Variants in CCPG1 observed in about 807,000 individuals in gnomAD.
CCPG1 encodes cell cycle progression protein 1.
In CCPG1, 46 loss-of-function variants were observed where a neutral mutation model predicts 81.3. That is an observed-to-expected ratio of 0.57 (90% confidence interval 0.45 to 0.72). The LOEUF is 0.72. Ranked by LOEUF, CCPG1 falls within the 30% of genes least tolerant of loss-of-function variation. CCPG1 has a pLI of 0.00. For synonymous variants in CCPG1, 330 were observed against 305.2 expected, an observed-to-expected ratio of 1.08 and a Z score of -0.85; for missense variants, 902 against 937.6, an observed-to-expected ratio of 0.96 and a Z score of 0.50.
chr15:55,398,643 G>A (rs956466163), intron 1 of CCPG1, among the ~76,000 whole-genome samples: 1 of 151,656 alleles, frequency 6.6e-6, no homozygotes, highest in Non-Finnish European at 1.5e-5. Context: ...GAGCAGTGGC[G>A]CGATCTCGGC....
At chr15:55,378,752 C>T (rs1346921311) in intron 3 of CCPG1, among the ~76,000 whole-genome samples, 10 of 151,924 alleles carry the variant, frequency 6.6e-5, no homozygotes, top group South Asian at 4.1e-4. Flanking sequence ...TACAGACATA[C>T]GCCACGGCTA....
At chr15:55,400,519 A>T (rs1301003858) in intron 1 of CCPG1, among the ~76,000 whole-genome samples, 1 of 152,118 alleles carries the variant, frequency 6.6e-6, no homozygotes, top group Non-Finnish European at 1.5e-5. Context: ...AAAATAAATT[A>T]AAAAGGCCAG....
In CCPG1 at chr15:55,359,861, G is replaced by T; in HGVS notation, c.1912C>A (p.Gln638Lys). The T allele has an allele frequency of 6.2e-7, 1 of 1,613,680 alleles. No homozygotes were observed. Among genetic ancestry groups the T allele is most frequent in the Non-Finnish European group, 8.5e-7 (1 of 1,179,916 alleles). ...GTGTTAAAAAGGCTCATGGACTCTTGTTGAGCACAATCAAATACACCAGAA... is the reference window on the plus strand; with the variant it reads ...GTGTTAAAAAGGCTCATGGACTCTTTTTGAGCACAATCAAATACACCAGAA... The part of the protein sequence containing the change: ...ACSGVFDCAQ[Q>K]ESMSLFNTVV... The change falls in exon 8 of 9, where the codon CAA becomes AAA. Residue 638 changes from glutamine (Q) to lysine (K), a missense_variant. By Grantham distance (53) the Gln-to-Lys change is moderately conservative (BLOSUM62 1). Transcript: ENST00000442196.
Position 55,389,426 on chromosome 15 carries a change from T to G in CCPG1, c.-2A>C. Reference sequence around the variant, plus strand: ...ACTGTCACTGGAATTTTCAGACATCTTTCAGGTCTACAAATACAAAAACAT... The same window carrying G: ...ACTGTCACTGGAATTTTCAGACATCGTTCAGGTCTACAAATACAAAAACAT... On this transcript the variant is annotated 5_prime_UTR_variant, in exon 2 of 9. Coordinates refer to ENST00000442196, the MANE Select transcript of CCPG1 (RefSeq NM_001204450.2). 6.2e-7 allele frequency: 1 copy of G among 1,608,856 alleles called. No homozygotes were observed. The highest frequency in any genetic ancestry group is 8.5e-7 in the Non-Finnish European group (1 of 1,175,384).
chr15:55,391,226 G>A (rs1307220626), intron 1 of CCPG1, among the ~76,000 whole-genome samples: 1 of 152,100 alleles, frequency 6.6e-6, no homozygotes, highest in East Asian at 1.9e-4. Context: ...AAGCTCAATC[G>A]ATCCTCCTGC....
At position 55,356,227 on chromosome 15, in the gene CCPG1, T is replaced by A. The variant is rs890524278; in HGVS notation, c.2417A>T (p.Gln806Leu). The A allele has an allele frequency of 3.8e-5, 58 of 1,533,600 alleles. No individual in the cohort carries two copies. Among genetic ancestry groups the A allele is most frequent in the Non-Finnish European group, 4.9e-5 (56 of 1,146,084 alleles). 95.0% of individuals were successfully genotyped at this position (1,533,600 alleles called of 1,614,324 possible). A position where few individuals can be genotyped will look rare whatever the true frequency, so the allele number is the denominator to read the frequency against. ...IELGQLPFDP[Q>L]Y Reference sequence around the variant, plus strand: ...ATTTAACTCAATTGTGAATCAGTATTGAGGATCAAAAGGTAATTGCCCCAA... The same window carrying A: ...ATTTAACTCAATTGTGAATCAGTATAGAGGATCAAAAGGTAATTGCCCCAA... The change falls in exon 9 of 9, where the codon CAA (glutamine) becomes CTA (leucine). Residue 806 changes from glutamine to leucine, a missense_variant. This residue lies in a region of CCPG1 where 128 missense variants were observed against 161.2 expected (regional missense o/e 0.79). Coordinates refer to ENST00000442196, the MANE Select transcript of CCPG1 (RefSeq NM_001204450.2).
In CCPG1 at chr15:55,365,297, A is replaced by G. The variant is rs375278848; in HGVS notation, c.719T>C (p.Ile240Thr). Reference protein sequence around the residue: ...GFGHFYGTIQIQKRQQLVRKI... With the variant: ...GFGHFYGTIQTQKRQQLVRKI... The stretch of plus-strand genomic sequence containing the variant: ...TCTGACTAACTGTTGACGCTTCTGA[A>G]TCTGAATTGTGCCTAAAATAAATAT... The change falls in exon 7 of 9, where the codon ATT becomes ACT. Residue 240 changes from isoleucine to threonine, a missense_variant. Ile to Thr is a moderately conservative substitution (Grantham distance 89). This residue lies in a region of CCPG1 where 746 missense variants were observed against 728.6 expected (regional missense o/e 1.02). Coordinates refer to ENST00000442196, the MANE Select transcript of CCPG1 (RefSeq NM_001204450.2). The G allele has an allele frequency of 4.6e-6, 7 of 1,527,834 alleles. No individual in the cohort carries two copies. The highest frequency in any genetic ancestry group is 4.1e-5 in the African/African-American group (3 of 72,298). The allele number at this position is 1,527,834 out of a possible 1,614,324, so 94.6% of individuals were successfully genotyped here. A position where few individuals can be genotyped will look rare whatever the true frequency, so the allele number is the denominator to read the frequency against.
In CCPG1 at chr15:55,360,819, T is replaced by A; in HGVS notation, c.954A>T (p.Glu318Asp). The A allele has an allele frequency of 6.2e-7, 1 of 1,612,400 alleles. No homozygotes were observed. ...QYLRVSLEKE[E>D]KALSSLQEEL... ...CTTCCTGTAATGAGGATAAGGCTTTTTCTTCCTTCTCCAAGGATACTCTTA... is the reference window on the plus strand; with the variant it reads ...CTTCCTGTAATGAGGATAAGGCTTTATCTTCCTTCTCCAAGGATACTCTTA... Residue 318 changes from glutamate (E) to aspartate (D), a missense_variant, in exon 8 of 9, where the codon GAA becomes GAT. This residue lies in a region of CCPG1 where 746 missense variants were observed against 728.6 expected (regional missense o/e 1.02). Coordinates refer to ENST00000442196, the MANE Select transcript of CCPG1 (RefSeq NM_001204450.2).
chr15:55,377,386 G>A (rs566195012), intron 4 of CCPG1, among the ~76,000 whole-genome samples: 7 of 152,282 alleles, frequency 4.6e-5, no homozygotes, highest in African/African-American at 1.7e-4. Flanking sequence ...CTAGTGGGCT[G>A]CAGAAGCTGA....
chr15:55,371,889 T>C lies in CCPG1; in HGVS notation c.610A>G (p.Lys204Glu), dbSNP rs761119443. 7.4e-6 allele frequency: 12 copies of C among 1,614,054 alleles called. No individual in the cohort carries two copies. The highest frequency in any genetic ancestry group is 1.1e-5 in the South Asian group (1 of 91,090). The change falls in exon 6 of 9, where the codon AAG (lysine) becomes GAG (glutamate). Residue 204 changes from lysine (K) to glutamate (E), a missense_variant. Around this residue, in one of 3 missense-constraint regions of CCPG1, gnomAD observed 746 missense variants for 728.6 expected, o/e 1.02. Transcript: ENST00000442196. The stretch of plus-strand genomic sequence containing the variant: ...CTGAACTGACGTTTACTCAACTCCT[T>C]AGAAGGTTCAGTTTCTTGTTCAGCA... ...LVAEQETEPS[K>E]ELSKRQFSSG...
chr15:55,377,199 G>T (rs773687793), intron 4 of CCPG1, 49 bp from the exon 5 acceptor site: 3 of 1,325,048 alleles, frequency 2.3e-6, no homozygotes, highest in Admixed American at 1.8e-5. Context: ...TCATTTAAGG[G>T]TCTTACATTT....
At chr15:55,388,489 T>G (rs2056848631) in intron 2 of CCPG1, among the ~76,000 whole-genome samples, 1 of 152,248 alleles carries the variant, frequency 6.6e-6, no homozygotes, top group Non-Finnish European at 1.5e-5. Context: ...TCTGTTCAAA[T>G]CCAGGATCTA....
intron 1 of CCPG1, among the ~76,000 whole-genome samples, chr15:55,400,139 A>C (rs2055081455): frequency 7.3e-6 from 1 of 136,732 alleles, no homozygotes; most frequent in Non-Finnish European, 1.5e-5. Flanking sequence ...GAACCCAGGA[A>C]GTGGAGGTTG....
At chr15:55,366,324 A>G (rs511132) in intron 6 of CCPG1, among the ~76,000 whole-genome samples, 8 of 151,486 alleles carry the variant, frequency 5.3e-5, no homozygotes, top group Admixed American at 5.2e-4. Flanking sequence ...TTTTTTTTTA[A>G]TATTTTGCCT....
intron 5 of CCPG1, chr15:55,374,379 C>A: frequency 4.4e-6 from 2 of 456,592 alleles, no homozygotes; most frequent in Non-Finnish European, 7.3e-6. Flanking sequence ...ACGTAATAAC[C>A]ATGCCTTCTT....
chr15:55,360,448 T>A lies in CCPG1; in HGVS notation c.1325A>T (p.Gln442Leu). Residue 442 changes from glutamine to leucine, a missense_variant, in exon 8 of 9, where the codon CAG (glutamine) becomes CTG (leucine). Transcript: ENST00000442196. ...TELERKLTFEQQRSDLWERLY... is the reference protein window; with the variant it reads ...TELERKLTFELQRSDLWERLY... Reference sequence around the variant, plus strand: ...TCTTTCCCACAAATCAGAACGCTGCTGTTCGAAGGTTAGCTTCCGTTCCAG... The same window carrying A: ...TCTTTCCCACAAATCAGAACGCTGCAGTTCGAAGGTTAGCTTCCGTTCCAG... 6.2e-7 allele frequency: 1 copy of A among 1,614,112 alleles called. No individual in the cohort carries two copies. The highest frequency in any genetic ancestry group is 1.1e-5 in the South Asian group (1 of 91,088).
chr15:55,407,709 T>C (rs1049174709), intron 1 of CCPG1: 3 of 152,310 alleles, frequency 2.0e-5, no homozygotes, highest in Non-Finnish European at 4.4e-5. Flanking sequence ...TTGATCATCA[T>C]CAGGCTGGCG....
intron 6 of CCPG1, 76 bp from the exon 7 acceptor site, chr15:55,365,385 G>A (rs913078660): frequency 2.3e-6 from 2 of 858,750 alleles, no homozygotes; most frequent in African/African-American, 1.8e-5. Context: ...TTTAATATTG[G>A]TAATCTGCAT....
intron 6 of CCPG1, among the ~76,000 whole-genome samples, chr15:55,368,537 C>G (rs1298526923): frequency 6.6e-6 from 1 of 152,080 alleles, no homozygotes; most frequent in African/African-American, 2.4e-5. Flanking sequence ...ATACTTAAAG[C>G]AACTCGAGGA....
Sources: allele counts gnomAD v4.1 joint callset (sites outside exome capture counted in the v4.1 genomes callset), GRCh38; gene constraint gnomAD v4.1.1; regional missense constraint gnomAD v4.1.1; transcripts MANE v1.5; gene names NCBI Gene and HGNC (gene_info 2026-07-23, HGNC 2026-07-21).